Variants in RPTOR observed in about 807,000 individuals in gnomAD.
RPTOR encodes the protein regulatory-associated protein of mTOR.
Under a neutral mutation model 169.9 loss-of-function variants are expected in RPTOR, and 21 were observed. The ratio of observed to expected loss-of-function variants is 0.12; its 90% confidence interval spans 0.09 to 0.18. The LOEUF is 0.18. RPTOR is among the 10% of genes least tolerant of loss of function. RPTOR has a pLI of 1.00. For missense variants in RPTOR, 1,133 were observed against 1,855.9 expected, an observed-to-expected ratio of 0.61 and a Z score of 7.16; for synonymous variants, 732 against 753.2, an observed-to-expected ratio of 0.97 and a Z score of 0.46.
intron 2 of RPTOR, among the ~76,000 whole-genome samples, chr17:80,634,419 CCGTG>C (rs2065475876): frequency 1.2e-5 from 1 of 81,720 alleles, no homozygotes; most frequent in African/African-American, 4.8e-5. Context: ...TGTGTGCATA[CCGTG>C]TGTGTGTGCA....
chr17:80,768,628 G>A (rs971111993), intron 6 of RPTOR, among the ~76,000 whole-genome samples: 2 of 152,042 alleles, frequency 1.3e-5, no homozygotes, highest in Admixed American at 1.3e-4. Context: ...GTCATTTGTT[G>A]TCTCCTGCTT....
intron 20 of RPTOR, among the ~76,000 whole-genome samples, chr17:80,897,042 G>C (rs566153224): frequency 1.3e-5 from 2 of 152,238 alleles, no homozygotes; most frequent in South Asian, 4.2e-4. Flanking sequence ...CGAGACGGGC[G>C]GATCACGAGG....
chr17:80,888,692 C>A (rs747175086), intron 17 of RPTOR, among the ~76,000 whole-genome samples: 1 of 152,256 alleles, frequency 6.6e-6, no homozygotes, highest in East Asian at 1.9e-4. Flanking sequence ...ACAGACGACA[C>A]CCCTGCAGGG....
chr17:80,595,481 G>A (rs1456767160), intron 1 of RPTOR, among the ~76,000 whole-genome samples: 1 of 152,146 alleles, frequency 6.6e-6, no homozygotes, highest in Non-Finnish European at 1.5e-5. Flanking sequence ...CCTTAGATGG[G>A]GTCTCGCTCA....
At chr17:80,881,034 T>C (rs2068181219) in intron 14 of RPTOR, among the ~76,000 whole-genome samples, 1 of 152,252 alleles carries the variant, frequency 6.6e-6, no homozygotes, top group Non-Finnish European at 1.5e-5. Flanking sequence ...AGTTATTCTA[T>C]AAATGTTTCA....
chr17:80,742,018 G>T (rs891245101), intron 5 of RPTOR, among the ~76,000 whole-genome samples: 1 of 152,184 alleles, frequency 6.6e-6, no homozygotes, highest in Non-Finnish European at 1.5e-5. Context: ...CACACGAGGA[G>T]GACTGAGGAT....
intron 1 of RPTOR, among the ~76,000 whole-genome samples, chr17:80,561,461 C>G (rs192813553): frequency 6.6e-6 from 1 of 150,614 alleles, no homozygotes. Flanking sequence ...GGCAGGGTCT[C>G]ACTGTGTCAC....
chr17:80,560,659 A>G (rs903944631), intron 1 of RPTOR, among the ~76,000 whole-genome samples: 1 of 152,126 alleles, frequency 6.6e-6, no homozygotes, highest in Non-Finnish European at 1.5e-5. Context: ...GGGAAACGCC[A>G]CTGGGGGCCT....
chr17:80,898,877 C>T lies in RPTOR; in HGVS notation c.2401+5012C>T, dbSNP rs374347637. ...GGCGGTCCAGCCACAATGACAGCAGCGCATGACAGGAGCCCAAAGACCCGA... is the reference window on the plus strand; with the variant it reads ...GGCGGTCCAGCCACAATGACAGCAGTGCATGACAGGAGCCCAAAGACCCGA... On this transcript the variant is annotated intron_variant, in intron 20 of 33. Coordinates refer to ENST00000306801, the MANE Select transcript of RPTOR (RefSeq NM_020761.3). Among the ~76,000 whole-genome samples the T allele has an allele frequency of 6.6e-4, 100 of 152,076 alleles. 1 individual carries two copies. The highest frequency in any genetic ancestry group is 6.2e-3 in the South Asian group (30 of 4,816).
rs1473051044 is a variant in RPTOR, at chr17:80,959,877, C to T, written c.3478-201C>T. The stretch of plus-strand genomic sequence containing the variant: ...AGGGATAAGGGCGTGACTCATTGTC[C>T]TGCCAGCCCCTGCCTCTCCCTGGGA... On this transcript the variant is annotated intron_variant, in intron 29 of 33. Transcript: ENST00000306801. The surrounding 1 kb of genome is among the most constrained non-coding windows in gnomAD (Gnocchi z 6.7). Among the ~76,000 whole-genome samples, 1 of 152,174 alleles carries T rather than the reference C, an allele frequency of 6.6e-6. No homozygotes were observed. The highest frequency in any genetic ancestry group is 1.5e-5 in the Non-Finnish European group (1 of 68,006).
intron 9 of RPTOR, among the ~76,000 whole-genome samples, chr17:80,834,855 G>A (rs905162611): frequency 3.9e-5 from 6 of 152,280 alleles, no homozygotes; most frequent in African/African-American, 9.6e-5. Flanking sequence ...CCCACGGCCC[G>A]GACACCCTCT....
intron 13 of RPTOR, among the ~76,000 whole-genome samples, chr17:80,874,554 G>C (rs911357617): frequency 6.6e-6 from 1 of 152,116 alleles, no homozygotes; most frequent in African/African-American, 2.4e-5. Context: ...GGCGAGTGGG[G>C]AATACACTGT....
intron 2 of RPTOR, among the ~76,000 whole-genome samples, chr17:80,640,296 C>T (rs1458519857): frequency 6.6e-6 from 1 of 152,244 alleles, no homozygotes; most frequent in Non-Finnish European, 1.5e-5. Context: ...CTGTCCACTT[C>T]ACCCCACATC....
chr17:80,853,814 T>TA (rs1419447711), intron 11 of RPTOR, among the ~76,000 whole-genome samples: 1 of 152,052 alleles, frequency 6.6e-6, no homozygotes, highest in African/African-American at 2.4e-5. Flanking sequence ...CCGTCTCTAC[T>TA]AAAAATACAA....
In RPTOR at chr17:80,776,675, C is replaced by T. The variant is rs917650612; in HGVS notation, c.831-14775C>T. Among the ~76,000 whole-genome samples, 9 of 152,132 alleles carry T rather than the reference C, an allele frequency of 5.9e-5. 1 individual carries two copies. The highest frequency in any genetic ancestry group is 5.2e-4 in the Admixed American group (8 of 15,276). On this transcript the variant is annotated intron_variant, in intron 6 of 33. Transcript: ENST00000306801. The stretch of plus-strand genomic sequence containing the variant: ...GCTCTAATTACACGGCCCCAAATCA[C>T]ACATATATGAAAGTGTCATTTTCAA...
chr17:80,866,183 TATATA>T (rs1047780922), intron 13 of RPTOR, among the ~76,000 whole-genome samples: 2 of 149,058 alleles, frequency 1.3e-5, no homozygotes, highest in African/African-American at 2.4e-5. Flanking sequence ...GTATATATAA[TATATA>T]ATATAATGTA....
At chr17:80,862,331 C>T (rs1049886699) in intron 13 of RPTOR, among the ~76,000 whole-genome samples, 2 of 152,120 alleles carry the variant, frequency 1.3e-5, no homozygotes, top group Non-Finnish European at 2.9e-5. Context: ...TCACCTGCCT[C>T]GCCCTTCCTT....
At chr17:80,594,508 A>G (rs2143421984) in intron 1 of RPTOR, among the ~76,000 whole-genome samples, 1 of 152,362 alleles carries the variant, frequency 6.6e-6, no homozygotes, top group South Asian at 2.1e-4. Context: ...CTTTCCACGA[A>G]GTCCTTGCAC....
At chr17:80,829,660 G>T (rs1362220099) in intron 9 of RPTOR, among the ~76,000 whole-genome samples, 1 of 152,320 alleles carries the variant, frequency 6.6e-6, no homozygotes, top group Non-Finnish European at 1.5e-5. Flanking sequence ...GCAGTGCCGC[G>T]TGCATGGAGA....
Sources: gnomAD v4.1 joint callset for allele counts (sites outside exome capture counted in the v4.1 genomes callset) on GRCh38, gnomAD v4.1.1 for gene constraint, Gnocchi (gnomAD v3.1) non-coding constraint, MANE v1.5 for transcripts, NCBI Gene and HGNC (gene_info 2026-07-23, HGNC 2026-07-21) for gene names.